Variants in RIMKLB observed in about 807,000 individuals in gnomAD.
RIMKLB encodes ribosomal modification protein rimK like family member B.
Under a neutral mutation model 32.0 loss-of-function variants are expected in RIMKLB, and 7 were observed. That is an observed-to-expected ratio of 0.22 (90% CI 0.12 to 0.41). The LOEUF (loss-of-function observed/expected upper bound fraction) is 0.41. RIMKLB is among the 10% of genes least tolerant of loss of function. RIMKLB has a pLI of 1.00. For missense variants in RIMKLB, 289 were observed against 498.7 expected (o/e 0.58, Z 4.00); for synonymous variants, 172 against 185.1 (o/e 0.93, Z 0.57).
intron 5 of RIMKLB, 118 bp downstream of exon 5, chr12:8,754,211 T>C (rs1042488313): frequency 5.7e-6 from 4 of 701,110 alleles, no homozygotes; most frequent in Non-Finnish European, 7.3e-6. Flanking sequence ...TATTTCCTTT[T>C]ACATGTAAAT....
intron 3 of RIMKLB, among the ~76,000 whole-genome samples, chr12:8,750,411 C>T (rs78680754): frequency 0.011 from 1,694 of 152,152 alleles, 27 homozygotes; most frequent in African/African-American, 0.039. Flanking sequence ...AGCTTTGTTC[C>T]GATGAAACTT....
intron 2 of RIMKLB, among the ~76,000 whole-genome samples, chr12:8,716,136 A>G (rs1591705187): frequency 2.0e-5 from 3 of 152,358 alleles, no homozygotes; most frequent in East Asian, 1.9e-4. Context: ...ATAGTTCCTT[A>G]TGAAATCTAG....
chr12:8,713,944 T>C lies in RIMKLB; in HGVS notation c.78T>C (p.Ile26=). The C allele has an allele frequency of 6.2e-7, 1 of 1,614,078 alleles. No individual in the cohort carries two copies. Among genetic ancestry groups the C allele is most frequent in the Non-Finnish European group, 8.5e-7 (1 of 1,180,024 alleles). ...GGGAAGACTATCCTCAAAAAGAGAT[T>C]TTACGAGCATTGAAGGCCAAATGTT... ...RIREDYPQKE[I]LRALKAKCCE... is the part of the protein sequence containing the mutation. Residue 26 remains isoleucine, a synonymous_variant, in exon 2 of 6, where the codon ATT becomes ATC. Coordinates refer to ENST00000535829, the MANE Select transcript of RIMKLB (RefSeq NM_001297776.2).
chr12:8,742,936 AG>A, intron 2 of RIMKLB: 1 of 168,220 alleles, frequency 5.9e-6, no homozygotes, highest in South Asian at 1.7e-4. Context: ...GAGCTCTCTC[AG>A]GGGGTCCAAT....
chr12:8,680,650 G>T (rs1329665299), upstream of RIMKLB, among the ~76,000 whole-genome samples: 1 of 152,194 alleles, frequency 6.6e-6, no homozygotes, highest in Non-Finnish European at 1.5e-5. Flanking sequence ...CTCTCCGGGG[G>T]TTTGGATGGG....
chr12:8,728,895 A>G (rs1471192580), intron 2 of RIMKLB, among the ~76,000 whole-genome samples: 2 of 152,100 alleles, frequency 1.3e-5, no homozygotes, highest in African/African-American at 2.4e-5. Flanking sequence ...CCTCTGAAGC[A>G]GAGTATCTCC....
intron 2 of RIMKLB, among the ~76,000 whole-genome samples, chr12:8,747,696 G>T (rs1948222698): frequency 6.6e-6 from 1 of 151,838 alleles, no homozygotes. Context: ...ATTCCATTCA[G>T]CCCACCTAAA....
chr12:8,741,377 TA>T (rs1178894866), intron 2 of RIMKLB, among the ~76,000 whole-genome samples: 114 of 128,692 alleles, frequency 8.9e-4, no homozygotes, highest in Admixed American at 9.3e-4. Flanking sequence ...GACTCCACCT[TA>T]AAAAAAAAAA....
rs372069754 is a variant in RIMKLB at position 8,773,640 on chromosome 12, T to C, written c.1017T>C (p.Thr339=). 41 of 1,614,134 alleles carry C rather than the reference T, an allele frequency of 2.5e-5. No homozygotes were observed. The highest frequency in any genetic ancestry group is 3.1e-5 in the Non-Finnish European group (36 of 1,180,048). The change falls in exon 6 of 6, where the codon ACT becomes ACC. Residue 339 remains threonine (T), a synonymous_variant. Coordinates refer to ENST00000535829, the MANE Select transcript of RIMKLB (RefSeq NM_001297776.2). ...CGGAGCTGGGTCCCCCAGCCAGCAC[T>C]GCTGTTGACAACATGAGTGCAAGTT... ...SEPELGPPAS[T]AVDNMSASSS...
the RIMKLB span, among the ~76,000 whole-genome samples, chr12:8,674,950 A>G: frequency 9.3e-5 from 12 of 128,776 alleles, no homozygotes; most frequent in African/African-American, 3.6e-4. Context: ...TGCAACCTCC[A>G]CCTCCTGGGT....
chr12:8,698,126 C>T lies in RIMKLB; in HGVS notation c.-228C>T. On this transcript the variant is annotated 5_prime_UTR_variant, in exon 1 of 6. Transcript: ENST00000535829. ...TGGGCGAGTGTGCGAGGACGCCCGG[C>T]CAGCCTGCGGGAGCCGCAGTCGGCG... The T allele has an allele frequency of 3.5e-6, 1 of 284,008 alleles. No homozygotes were observed. 17.6% of individuals were successfully genotyped at this position (284,008 alleles called of 1,614,324 possible).
At chr12:8,702,008 T>TA (rs773678189) in intron 1 of RIMKLB, among the ~76,000 whole-genome samples, 5,740 of 137,432 alleles carry the variant, frequency 0.042, 238 homozygotes, top group African/African-American at 0.12. Context: ...TCCATCTCAA[T>TA]AAAAAAAAAA....
chr12:8,702,075 G>A (rs1943455350), intron 1 of RIMKLB, among the ~76,000 whole-genome samples: 1 of 151,690 alleles, frequency 6.6e-6, no homozygotes, highest in African/African-American at 2.4e-5. Flanking sequence ...AAATAGCTAT[G>A]ATTTTTTGAT....
chr12:8,770,264 A>G (rs749122508), intron 5 of RIMKLB, among the ~76,000 whole-genome samples: 10 of 152,308 alleles, frequency 6.6e-5, no homozygotes, highest in South Asian at 4.1e-4. Context: ...CGCCTGGCCT[A>G]TTGTAGCAGT....
At chr12:8,766,123 G>A (rs1949938045) in intron 5 of RIMKLB, among the ~76,000 whole-genome samples, 2 of 151,974 alleles carry the variant, frequency 1.3e-5, no homozygotes, top group South Asian at 4.2e-4. Context: ...CTGAAAAAAA[G>A]AACATAGGGA....
At chr12:8,763,570 G>T (rs1347286335) in intron 5 of RIMKLB, among the ~76,000 whole-genome samples, 1 of 152,188 alleles carries the variant, frequency 6.6e-6, no homozygotes, top group Admixed American at 6.5e-5. Context: ...TACGTTCCTC[G>T]CTGAGCGCCT....
At chr12:8,723,070 C>G (rs74059982) in intron 2 of RIMKLB, among the ~76,000 whole-genome samples, 57 of 152,306 alleles carry the variant, frequency 3.7e-4, no homozygotes, top group African/African-American at 1.3e-3. Context: ...CCTTCAAGCA[C>G]TTTTCCTTTG....
chr12:8,749,794 A>G (rs1292267563), intron 2 of RIMKLB, 68 bp from the exon 3 acceptor site: 3 of 999,352 alleles, frequency 3.0e-6, no homozygotes, highest in Non-Finnish European at 4.5e-6. Flanking sequence ...ACTTTGGCGT[A>G]TTACTATTCC....
At chr12:8,751,865 C>A in intron 3 of RIMKLB, 92 bp from the exon 4 acceptor site, 1 of 800,694 alleles carries the variant, frequency 1.2e-6, no homozygotes, top group Non-Finnish European at 2.1e-6. Flanking sequence ...CTTCAACTTC[C>A]TTGTGCTGTT....
Sources: allele counts gnomAD v4.1 joint callset (sites outside exome capture counted in the v4.1 genomes callset), GRCh38; gene constraint gnomAD v4.1.1; transcripts MANE v1.5; gene names NCBI Gene and HGNC (gene_info 2026-07-23, HGNC 2026-07-21).